CDH1: variants seen among roughly 807,000 people sequenced by gnomAD.
The protein encoded by CDH1 is cadherin-1.
Under a neutral mutation model 84.5 loss-of-function variants are expected in CDH1, and 35 were observed. The ratio of observed to expected loss-of-function variants is 0.41; its 90% CI spans 0.32 to 0.55. The LOEUF (loss-of-function observed/expected upper bound fraction) is 0.55, where lower values mean the gene tolerates loss of function less well. Ranked by LOEUF, CDH1 falls within the 20% of genes least tolerant of loss-of-function variation. The probability of loss-of-function intolerance (pLI) is 0.19; values close to 1 mark genes in which losing one functional copy is unlikely to be tolerated. For synonymous variants in CDH1, 417 were observed against 439.0 expected, an observed-to-expected ratio of 0.95 and a Z score of 0.63; for missense variants, 994 against 1,126.6, an observed-to-expected ratio of 0.88 and a Z score of 1.68.
At chr16:68,823,334 A>G (rs1961220049) in intron 12 of CDH1, 65 bp from the exon 13 acceptor site, 2 of 1,200,812 alleles carry the variant, frequency 1.7e-6, no homozygotes, top group African/African-American at 1.5e-5. Context: ...TAGCAATTTT[A>G]TTCTGGAATG....
rs2276328 is a variant in CDH1, at chr16:68,829,509, C to T, written c.2296-145C>T. On this transcript the variant is annotated intron_variant, in intron 14 of 15. Transcript: ENST00000261769. ...ATTTGGGAGACTTTTAGCTTGAAAA[C>T]TGTCATTTTGCATTAAACTGGTAAA... 1,285 of 855,082 alleles carry T rather than the reference C, an allele frequency of 1.5e-3. 20 individuals are homozygous for T. The East Asian group carries it at 0.031, about 21-fold the overall frequency. 53.0% of individuals were successfully genotyped at this position (855,082 alleles called of 1,614,324 possible). A position where few individuals can be genotyped will look rare whatever the true frequency, so the allele number is the denominator to read the frequency against.
Position 68,833,582 on chromosome 16 carries a change from C to G in CDH1, c.*83C>G. ...GCTGGTGGTTTTTCAGCTCCCTTCCCTTGAGATGAGTTTCTGGGGAAAAAA... is the reference window on the plus strand; with the variant it reads ...GCTGGTGGTTTTTCAGCTCCCTTCCGTTGAGATGAGTTTCTGGGGAAAAAA... On this transcript the variant is annotated 3_prime_UTR_variant, in exon 16 of 16. Transcript: ENST00000261769. 1.9e-6 allele frequency: 2 copies of G among 1,066,922 alleles called. No homozygotes were observed. Among genetic ancestry groups the G allele is most frequent in the South Asian group, 2.5e-5 (2 of 79,436 alleles). The allele number at this position is 1,066,922 out of a possible 1,614,324, so 66.1% of individuals were successfully genotyped here. A position where few individuals can be genotyped will look rare whatever the true frequency, so the allele number is the denominator to read the frequency against.
intron 12 of CDH1, 118 bp from the exon 13 acceptor site, chr16:68,823,281 A>C (rs896010166): frequency 2.7e-6 from 2 of 732,346 alleles, no homozygotes; most frequent in African/African-American, 3.5e-5. Context: ...AAACCCAAGC[A>C]GCTCTGCTCT....
At chr16:68,821,107 G>C (rs1182642876) in intron 11 of CDH1, among the ~76,000 whole-genome samples, 3 of 152,080 alleles carry the variant, frequency 2.0e-5, no homozygotes, top group Admixed American at 2.0e-4. Context: ...ATTGATGATA[G>C]TTCCCTGGGT....
chr16:68,830,960 A>G (rs182670885), intron 15 of CDH1, among the ~76,000 whole-genome samples: 1 of 148,506 alleles, frequency 6.7e-6, no homozygotes, highest in Non-Finnish European at 1.5e-5. Context: ...TCCTTAAGTT[A>G]TGTTCTCTAG....
At chr16:68,815,275 G>T (rs979091633) in intron 9 of CDH1, among the ~76,000 whole-genome samples, 4 of 152,052 alleles carry the variant, frequency 2.6e-5, no homozygotes, top group Non-Finnish European at 5.9e-5. Flanking sequence ...TGAATTGCTT[G>T]TTGAAGTGAC....
chr16:68,745,549 A>ATATATATATATATGTATATATATATGT (rs1285099283), intron 2 of CDH1, among the ~76,000 whole-genome samples: 2 of 75,182 alleles, frequency 2.7e-5, no homozygotes, highest in African/African-American at 1.1e-4. Context: ...AAAAAAAAAA[A>ATATATATATATATGTATATATATATGT]ATATATATAT....
chr16:68,738,379 G>A lies in CDH1; in HGVS notation c.131G>A (p.Arg44His), dbSNP rs1375178645. The part of the protein sequence containing the change: ...AESYTFTVPR[R>H]HLERGRVLGR... ...AGCTACACGTTCACGGTGCCCCGGC[G>A]CCACCTGGAGAGAGGCCGCGTCCTG... is the stretch of plus-strand genomic sequence containing the variant. The change falls in exon 2 of 16, where the codon CGC becomes CAC. Residue 44 changes from arginine (R) to histidine (H), a missense_variant. Arg to His is a conservative substitution (Grantham distance 29). Coordinates refer to ENST00000261769, the MANE Select transcript of CDH1 (RefSeq NM_004360.5). 1 of 1,550,780 alleles carries A rather than the reference G, an allele frequency of 6.4e-7. No homozygotes were observed.
intron 2 of CDH1, among the ~76,000 whole-genome samples, chr16:68,799,073 C>A (rs1196092896): frequency 1.3e-5 from 2 of 152,126 alleles, no homozygotes; most frequent in Non-Finnish European, 2.9e-5. Context: ...GTGGTGATAA[C>A]CTTTATGTTA....
intron 15 of CDH1, among the ~76,000 whole-genome samples, chr16:68,832,089 C>T (rs1039142403): frequency 6.6e-6 from 1 of 151,918 alleles, no homozygotes; most frequent in Non-Finnish European, 1.5e-5. Context: ...ATGATGAGAA[C>T]TCATGGACAC....
intron 2 of CDH1, among the ~76,000 whole-genome samples, chr16:68,792,255 A>C (rs912285977): frequency 1.4e-4 from 19 of 137,804 alleles, no homozygotes; most frequent in Non-Finnish European, 2.5e-4. Flanking sequence ...TTTGAGATGG[A>C]GTCTTGCTCT....
chr16:68,739,908 C>T (rs1166508309), intron 2 of CDH1, among the ~76,000 whole-genome samples: 1 of 152,160 alleles, frequency 6.6e-6, no homozygotes, highest in Non-Finnish European at 1.5e-5. Flanking sequence ...AGCCAGCACG[C>T]CTGGCCAGGA....
At chr16:68,765,080 A>G (rs1476889051) in intron 2 of CDH1, 1 of 152,256 alleles carries the variant, frequency 6.6e-6, no homozygotes, top group Non-Finnish European at 1.5e-5. Flanking sequence ...CAAGCTGAGC[A>G]GAAAACAGAT....
At chr16:68,829,956 T>C (rs1294867730) in intron 15 of CDH1, among the ~76,000 whole-genome samples, 159 bp downstream of exon 15, 1 of 123,166 alleles carries the variant, frequency 8.1e-6, no homozygotes, top group Non-Finnish European at 1.6e-5. Flanking sequence ...TTTTTTTCTT[T>C]TTCTTTTTTT....
chr16:68,759,669 T>G (rs1025010576), intron 2 of CDH1, among the ~76,000 whole-genome samples: 8 of 152,104 alleles, frequency 5.3e-5, no homozygotes, highest in Admixed American at 1.3e-4. Flanking sequence ...TTTGTATTTT[T>G]TAATGGAGAC....
chr16:68,764,025 G>A (rs1332106564), intron 2 of CDH1, among the ~76,000 whole-genome samples: 5 of 152,166 alleles, frequency 3.3e-5, no homozygotes, highest in Non-Finnish European at 7.3e-5. Context: ...GAGACTTTGA[G>A]GGGCTTTCCC....
chr16:68,753,967 A>T (rs1055531215), intron 2 of CDH1, among the ~76,000 whole-genome samples: 1 of 151,738 alleles, frequency 6.6e-6, no homozygotes, highest in African/African-American at 2.4e-5. Flanking sequence ...ATACAAAAAA[A>T]AATTGGCCAG....
chr16:68,760,799 G>A (rs1959214160), intron 2 of CDH1, among the ~76,000 whole-genome samples: 1 of 152,114 alleles, frequency 6.6e-6, no homozygotes, highest in South Asian at 2.1e-4. Context: ...GGACTGTGTG[G>A]GCTGGGTCAG....
chr16:68,738,096 C>T (rs1208011158), intron 1 of CDH1, among the ~76,000 whole-genome samples: 2 of 145,782 alleles, frequency 1.4e-5, no homozygotes, highest in African/African-American at 2.6e-5. Context: ...GGCCCCCTCC[C>T]GGGAGTTCCT....
Sources: gnomAD v4.1 joint callset for allele counts (sites outside exome capture counted in the v4.1 genomes callset) on GRCh38, gnomAD v4.1.1 for gene constraint, MANE v1.5 for transcripts, NCBI Gene and HGNC (gene_info 2026-07-23, HGNC 2026-07-21) for gene names.